The following DCHS2 variants were observed in gnomAD, a reference collection of about 807,000 sequenced individuals.
The protein encoded by DCHS2 is dachsous cadherin-related 2, also known as protocadherin-23.
A neutral mutation model predicts 182.4 loss-of-function variants in DCHS2; 142 were observed. That is an observed-to-expected ratio of 0.78 (90% CI 0.68 to 0.89). DCHS2 has a LOEUF of 0.89. DCHS2 is among the 40% of genes least tolerant of loss of function. The pLI, the probability that DCHS2 is intolerant of heterozygous loss-of-function variation, is 0.00. For missense variants in DCHS2, 4,319 were observed against 4,198.6 expected, an observed-to-expected ratio of 1.03 and a Z score of -0.79; for synonymous variants, 1,740 against 1,663.3, an observed-to-expected ratio of 1.05 and a Z score of -1.12.
At chr4:154,486,903 T>G (rs1728608400) in intron 1 of DCHS2, among the ~76,000 whole-genome samples, 1 of 152,136 alleles carries the variant, frequency 6.6e-6, no homozygotes, top group African/African-American at 2.4e-5. Context: ...CAGCAATACT[T>G]GGCAACCTGG....
At chr4:154,407,682 C>A (rs1034134143) in intron 1 of DCHS2, among the ~76,000 whole-genome samples, 1 of 152,166 alleles carries the variant, frequency 6.6e-6, no homozygotes, top group African/African-American at 2.4e-5. Flanking sequence ...CCCCACACAA[C>A]CCTGAGACTC....
rs1732717086 is a variant in DCHS2 at position 154,413,659 on chromosome 4, G to C, written c.2053-36215C>G. 6.6e-5 allele frequency among the ~76,000 whole-genome samples: 10 copies of C among 152,084 alleles called. 1 individual carries two copies. The highest frequency in any genetic ancestry group is 6.5e-4 in the Admixed American group (10 of 15,276). On this transcript the variant is annotated intron_variant, in intron 1 of 19. Transcript: ENST00000357232. ...GCCAATGGGGGAGCCAGTGAGTTTG[G>C]GTACTTACTTCTCCAGTTCCTTCCC...
At chr4:154,364,910 CT>C (rs998568028) in intron 3 of DCHS2, among the ~76,000 whole-genome samples, 16 of 148,828 alleles carry the variant, frequency 1.1e-4, no homozygotes, top group African/African-American at 3.0e-4. Context: ...GAAAAAAATT[CT>C]TTTTTTTTTC....
chr4:154,244,648 A>G (rs553919721), intron 16 of DCHS2, among the ~76,000 whole-genome samples: 1 of 152,298 alleles, frequency 6.6e-6, no homozygotes, highest in East Asian at 1.9e-4. Flanking sequence ...TGAAATAAAC[A>G]TCAACTCCTT....
chr4:154,450,744 A>C (rs1234569046), intron 1 of DCHS2, among the ~76,000 whole-genome samples: 1 of 152,124 alleles, frequency 6.6e-6, no homozygotes, highest in Non-Finnish European at 1.5e-5. Flanking sequence ...GAGGCAGTAG[A>C]ATCACTTGAA....
chr4:154,479,303 CAG>C (rs751951252), intron 1 of DCHS2, among the ~76,000 whole-genome samples: 57 of 151,932 alleles, frequency 3.8e-4, no homozygotes, highest in Non-Finnish European at 6.5e-4. Context: ...GAAAAATGAA[CAG>C]AGTCTCAAGG....
chr4:154,471,583 A>C (rs1398022349), intron 1 of DCHS2, among the ~76,000 whole-genome samples: 1 of 152,116 alleles, frequency 6.6e-6, no homozygotes, highest in African/African-American at 2.4e-5. Context: ...GGTTGAATTT[A>C]ATATCCATTG....
chr4:154,326,831 G>A (rs1292738507), intron 7 of DCHS2, among the ~76,000 whole-genome samples: 1 of 152,054 alleles, frequency 6.6e-6, no homozygotes, highest in Non-Finnish European at 1.5e-5. Context: ...CTTCCCACTT[G>A]TTATTTGGAC....
chr4:154,466,996 C>G (rs1403749248), intron 1 of DCHS2, among the ~76,000 whole-genome samples: 1 of 152,164 alleles, frequency 6.6e-6, no homozygotes, highest in Non-Finnish European at 1.5e-5. Flanking sequence ...CAAAAACTTT[C>G]TCAGCATCTG....
At position 154,235,771 on chromosome 4, in the gene DCHS2, G is replaced by A; in HGVS notation, c.8881C>T (p.His2961Tyr). The change falls in exon 20 of 20, where the codon CAT (histidine) becomes TAT (tyrosine). Residue 2961 changes from histidine (H) to tyrosine (Y), a missense_variant. Physicochemically the swap from His to Tyr is moderately conservative, Grantham distance 83. Transcript: ENST00000357232. ...EDTLEMKIIA[H>Y]SPKSDSKFAS... ...AACTTGGAATCTGATTTGGGACTAT[G>A]AGCGATTATTTTCATTTCCAAGGTG... The A allele has an allele frequency of 4.3e-6, 7 of 1,613,950 alleles. No individual in the cohort carries two copies. Among genetic ancestry groups the A allele is most frequent in the Non-Finnish European group, 5.9e-6 (7 of 1,179,890 alleles).
chr4:154,370,826 G>T (rs760460160), intron 2 of DCHS2, among the ~76,000 whole-genome samples: 6 of 152,108 alleles, frequency 3.9e-5, no homozygotes, highest in Non-Finnish European at 7.4e-5. Flanking sequence ...GTAGGGCTGG[G>T]GTTTTACCAG....
intron 15 of DCHS2, among the ~76,000 whole-genome samples, chr4:154,258,421 A>G (rs371378923): frequency 9.0e-6 from 1 of 111,206 alleles, no homozygotes; most frequent in African/African-American, 3.6e-5. Context: ...CTTATTGCCC[A>G]GGCTGGAGTG....
intron 13 of DCHS2, among the ~76,000 whole-genome samples, chr4:154,272,468 G>A (rs1344742966): frequency 1.3e-5 from 2 of 152,096 alleles, no homozygotes; most frequent in African/African-American, 4.8e-5. Context: ...GTCAAGGGAG[G>A]CACCAGGTGG....
chr4:154,320,775 A>C lies in DCHS2; in HGVS notation c.4624T>G (p.Leu1542Val). The change falls in exon 9 of 20, where the codon TTG (leucine) becomes GTG (valine). Residue 1542 changes from leucine (L) to valine (V), a missense_variant. Physicochemically the swap from Leu to Val is conservative, Grantham distance 32 (BLOSUM62 1). Coordinates refer to ENST00000357232, the MANE Select transcript of DCHS2 (RefSeq NM_001358235.2). ...ATGTAGTATTGTATTCTACTGTTCAAAAAACTGCCGTCATCATCTTTGGCA... is the reference window on the plus strand; with the variant it reads ...ATGTAGTATTGTATTCTACTGTTCACAAAACTGCCGTCATCATCTTTGGCA... ...FNAKDDDGSFLNSRIQYYIES... is the reference protein window; with the variant it reads ...FNAKDDDGSFVNSRIQYYIES... 1 of 1,614,092 alleles carries C rather than the reference A, an allele frequency of 6.2e-7. No homozygotes were observed. The highest frequency in any genetic ancestry group is 1.7e-5 in the Admixed American group (1 of 59,996).
rs1731241458 is a variant in DCHS2, at chr4:154,232,494, A to G, written c.*2042T>C. 6.6e-6 allele frequency: 1 copy of G among 152,176 alleles called. No homozygotes were observed. The highest frequency in any genetic ancestry group is 6.6e-5 in the Admixed American group (1 of 15,244). The allele number at this position is 152,176 out of a possible 1,614,324, so 9.4% of individuals were successfully genotyped here. A position where few individuals can be genotyped will look rare whatever the true frequency, so the allele number is the denominator to read the frequency against. On this transcript the variant is annotated 3_prime_UTR_variant, in exon 20 of 20. Coordinates refer to ENST00000357232, the MANE Select transcript of DCHS2 (RefSeq NM_001358235.2). Reference sequence around the variant, plus strand: ...AGTAAATAAATCACAGTAATAAATAACTAACTTAGGGAATAGGTAGATGAA... The same window carrying G: ...AGTAAATAAATCACAGTAATAAATAGCTAACTTAGGGAATAGGTAGATGAA...
chr4:154,384,252 T>G lies in DCHS2; in HGVS notation c.2053-6808A>C, dbSNP rs528166776. On this transcript the variant is annotated intron_variant, in intron 1 of 19. Coordinates refer to ENST00000357232, the MANE Select transcript of DCHS2 (RefSeq NM_001358235.2). Reference sequence around the variant, plus strand: ...CTAATGATCGAGGCTTGATCTTTATTTTCTGAATTATTTGGCAGCCGTTCA... The same window carrying G: ...CTAATGATCGAGGCTTGATCTTTATGTTCTGAATTATTTGGCAGCCGTTCA... The G allele has an allele frequency of 4.8e-6, 7 of 1,460,238 alleles. No homozygotes were observed. The Admixed American group carries it at 1.2e-4, about 25-fold the overall frequency. 90.5% of individuals were successfully genotyped at this position (1,460,238 alleles called of 1,614,324 possible).
intron 1 of DCHS2, among the ~76,000 whole-genome samples, chr4:154,488,432 C>A (rs1728664072): frequency 6.6e-6 from 1 of 152,156 alleles, no homozygotes; most frequent in Non-Finnish European, 1.5e-5. Context: ...AAGATGACTT[C>A]AGTCTTCATC....
intron 3 of DCHS2, among the ~76,000 whole-genome samples, chr4:154,340,691 C>T (rs1578985081): frequency 6.6e-6 from 1 of 152,154 alleles, no homozygotes; most frequent in African/African-American, 2.4e-5. Context: ...GATGAATGTC[C>T]ATTTTATTTG....
In DCHS2 at chr4:154,489,401, G is replaced by A. The variant is rs542233409; in HGVS notation, c.1955C>T (p.Thr652Ile). 2.6e-6 allele frequency: 4 copies of A among 1,551,660 alleles called. No homozygotes were observed. The East Asian group carries it at 7.3e-5, about 28-fold the overall frequency. Residue 652 changes from threonine (T) to isoleucine (I), a missense_variant, in exon 1 of 20, where the codon ACC becomes ATC. Transcript: ENST00000357232. Reference sequence around the variant, plus strand: ...CTCATTGTCATTCACATCATCTACGGTGATGCTCACCAGGCAGGTGGCAGA... The same window carrying A: ...CTCATTGTCATTCACATCATCTACGATGATGCTCACCAGGCAGGTGGCAGA... ...PLSATCLVSI[T>I]VDDVNDNEPI...
Sources: allele counts gnomAD v4.1 joint callset (sites outside exome capture counted in the v4.1 genomes callset), GRCh38; gene constraint gnomAD v4.1.1; transcripts MANE v1.5; gene names NCBI Gene and HGNC (gene_info 2026-07-23, HGNC 2026-07-21).